PREP: variants seen among roughly 807,000 people sequenced by gnomAD.
PREP encodes dJ355L5.1 (prolyl endopeptidase).
In PREP, 29 loss-of-function variants were observed where a neutral mutation model predicts 87.6. The ratio of observed to expected loss-of-function variants is 0.33; its 90% confidence interval spans 0.25 to 0.45. PREP has a LOEUF of 0.45. PREP is among the 20% of genes least tolerant of loss of function. The pLI is 1.00. For missense variants in PREP, 695 were observed against 886.5 expected (o/e 0.78, Z 2.74); for synonymous variants, 337 against 328.6 (o/e 1.03, Z -0.28).
intron 1 of PREP, among the ~76,000 whole-genome samples, chr6:105,400,130 A>G (rs1773387050): frequency 6.6e-6 from 1 of 152,208 alleles, no homozygotes; most frequent in Admixed American, 6.5e-5. Flanking sequence ...TTCTAAGACC[A>G]TACCCTACAA....
intron 7 of PREP, among the ~76,000 whole-genome samples, chr6:105,348,966 A>G (rs1156251060): frequency 6.6e-6 from 1 of 152,044 alleles, no homozygotes; most frequent in Non-Finnish European, 1.5e-5. Context: ...AACTCCACAC[A>G]TTTCTCTGGT....
intron 7 of PREP, among the ~76,000 whole-genome samples, chr6:105,346,553 T>G (rs978899554): frequency 2.0e-5 from 3 of 152,218 alleles, no homozygotes; most frequent in Non-Finnish European, 4.4e-5. Context: ...ACAGACAGGT[T>G]AGTGAAAGTC....
intron 11 of PREP, among the ~76,000 whole-genome samples, chr6:105,286,524 G>A (rs1225284780): frequency 6.6e-6 from 1 of 152,120 alleles, no homozygotes; most frequent in Non-Finnish European, 1.5e-5. Flanking sequence ...TCTTTCCACT[G>A]TGACCCTAAA....
chr6:105,353,522 G>C (rs1230026172), intron 6 of PREP, among the ~76,000 whole-genome samples: 1 of 152,102 alleles, frequency 6.6e-6, no homozygotes, highest in African/African-American at 2.4e-5. Context: ...TGTAATCCCA[G>C]CACTTTGGGA....
chr6:105,400,218 A>G (rs1425660557), intron 1 of PREP, among the ~76,000 whole-genome samples: 1 of 152,086 alleles, frequency 6.6e-6, no homozygotes, highest in Admixed American at 6.5e-5. Flanking sequence ...ATCATTCTTG[A>G]TCTCCTCAAG....
At position 105,282,047 on chromosome 6, in the gene PREP, G is replaced by A. The variant is rs187829238; in HGVS notation, c.1682-145C>T. 58 of 977,282 alleles carry A rather than the reference G, an allele frequency of 5.9e-5. No individual in the cohort carries two copies. The East Asian group carries it at 1.3e-3, about 23-fold the overall frequency. The allele number at this position is 977,282 out of a possible 1,614,324, so 60.5% of individuals were successfully genotyped here. On this transcript the variant is annotated intron_variant, in intron 13 of 14. Transcript: ENST00000652536. ...AAGAGGAAACCATCAGAAATCACCT[G>A]CCCAATAGCCCCAAAGCTCCCCACC...
intron 1 of PREP, among the ~76,000 whole-genome samples, chr6:105,399,671 C>T (rs570058072): frequency 2.6e-4 from 39 of 152,272 alleles, no homozygotes; most frequent in African/African-American, 8.2e-4. Flanking sequence ...AAGTCTTTTA[C>T]GTTTTACACA....
chr6:105,278,579 C>G lies in PREP; in HGVS notation c.1839-141G>C. 1 of 865,816 alleles carries G rather than the reference C, an allele frequency of 1.2e-6. No homozygotes were observed. 53.6% of individuals were successfully genotyped at this position (865,816 alleles called of 1,614,324 possible). ...ACCATGGACTGTGCCTATGCGTTAC[C>G]ATTTAGGCCATGACTGGCAAGGGCT... On this transcript the variant is annotated intron_variant, in intron 14 of 14. Transcript: ENST00000652536. This position sits in a 1 kb window ranked among gnomAD's most constrained non-coding sequence, Gnocchi z 4.2.
rs902255982 is a variant in PREP at position 105,394,801 on chromosome 6, A to G, written c.120+3052T>C. Among the ~76,000 whole-genome samples the G allele has an allele frequency of 2.0e-4, 31 of 152,194 alleles. No individual in the cohort carries two copies. The South Asian group carries it at 5.2e-3, about 25-fold the overall frequency. ...TAACAAAAGAGTCAGTAACACTTGTATATGCCATCAATAATGAAAAAGGAA... is the reference window on the plus strand; with the variant it reads ...TAACAAAAGAGTCAGTAACACTTGTGTATGCCATCAATAATGAAAAAGGAA... On this transcript the variant is annotated intron_variant, in intron 2 of 14. Coordinates refer to ENST00000652536, the MANE Select transcript of PREP (RefSeq NM_002726.5).
At chr6:105,323,150 T>C (rs780546524) in intron 10 of PREP, 2 of 1,288,772 alleles carry the variant, frequency 1.6e-6, no homozygotes, top group East Asian at 5.6e-5. Flanking sequence ...CCTGAAAAGA[T>C]GGTGGCCAAA....
intron 1 of PREP, among the ~76,000 whole-genome samples, chr6:105,398,302 C>T (rs1301376197): frequency 6.6e-6 from 1 of 152,168 alleles, no homozygotes; most frequent in East Asian, 1.9e-4. Flanking sequence ...AAGAAGGGCA[C>T]GTCAGGGAGG....
rs765646726 is a variant in PREP at position 105,318,922 on chromosome 6, TTAA to T, written c.1317+4740_1317+4742del. The stretch of plus-strand genomic sequence containing the variant: ...ATGTGTCATGAACTTGGCGCAGAAG[TTAA>T]TGAGTATTGAAACACGAATTAATGT... On this transcript the variant is annotated intron_variant, in intron 10 of 14. Transcript: ENST00000652536. Among the ~76,000 whole-genome samples, 185 of 152,274 alleles carry T rather than the reference TTAA, an allele frequency of 1.2e-3. 1 individual carries two copies. The highest frequency in any genetic ancestry group is 2.1e-3 in the Non-Finnish European group (145 of 68,016).
At chr6:105,332,559 A>G (rs1771364122) in intron 8 of PREP, among the ~76,000 whole-genome samples, 1 of 152,142 alleles carries the variant, frequency 6.6e-6, no homozygotes, top group Non-Finnish European at 1.5e-5. Context: ...TTTATCCTCA[A>G]TCTACCCAGC....
intron 7 of PREP, among the ~76,000 whole-genome samples, chr6:105,340,053 T>G (rs898404692): frequency 5.3e-5 from 8 of 151,952 alleles, no homozygotes; most frequent in African/African-American, 1.5e-4. Flanking sequence ...GCCACAGAGA[T>G]ACTCCTCGAG....
At chr6:105,296,032 G>A (rs763587311) in intron 10 of PREP, among the ~76,000 whole-genome samples, 3 of 152,098 alleles carry the variant, frequency 2.0e-5, no homozygotes, top group East Asian at 1.9e-4. Context: ...CGAAGTATAC[G>A]TGCACCCAAA....
At position 105,328,910 on chromosome 6, in the gene PREP, C is replaced by T. The variant is rs147546055; in HGVS notation, c.1132G>A (p.Asp378Asn). 6.0e-5 allele frequency: 97 copies of T among 1,614,090 alleles called. No individual in the cohort carries two copies. The African/African-American group carries it at 8.9e-4, about 15-fold the overall frequency. ...TGALLKTFPLDVGSIVGYSGQ... is the reference protein window; with the variant it reads ...TGALLKTFPLNVGSIVGYSGQ... ...CTGTACCCTACAATGCTGCCGACAT[C>T]GAGCGGGAAGGTCTTAAGGAGAGCA... Residue 378 changes from aspartate to asparagine, a missense_variant, in exon 9 of 15, where the codon GAT becomes AAT. Asp to Asn is a conservative substitution (Grantham distance 23). Around this residue, in one of 5 missense-constraint regions of PREP, gnomAD observed 517 missense variants for 620.3 expected, o/e 0.83. Transcript: ENST00000652536.
At chr6:105,355,164 C>CA (rs1235288031) in intron 6 of PREP, among the ~76,000 whole-genome samples, 12 of 150,080 alleles carry the variant, frequency 8.0e-5, no homozygotes, top group Admixed American at 7.3e-4. Flanking sequence ...CTCCAACCTG[C>CA]AATCTCTGCC....
chr6:105,395,045 G>A (rs111900118), intron 2 of PREP, among the ~76,000 whole-genome samples: 1 of 152,114 alleles, frequency 6.6e-6, no homozygotes, highest in Admixed American at 6.5e-5. Context: ...TGATGAAATA[G>A]TATCACTATT....
rs1414854303 is a variant in PREP, at chr6:105,275,881, G to A, written c.*2263C>T. On this transcript the variant is annotated 3_prime_UTR_variant, in exon 15 of 15. Coordinates refer to ENST00000652536, the MANE Select transcript of PREP (RefSeq NM_002726.5). ...CTCCACTCATGTGGGAGCTAAAAAA[G>A]CAGGCAGAGAAAGGGAGGATGAAGA... 6.6e-6 allele frequency among the ~76,000 whole-genome samples: 1 copy of A among 152,202 alleles called. No homozygotes were observed. Among genetic ancestry groups the A allele is most frequent in the Non-Finnish European group, 1.5e-5 (1 of 68,040 alleles).
Sources: gnomAD v4.1 joint callset for allele counts (sites outside exome capture counted in the v4.1 genomes callset) on GRCh38, gnomAD v4.1.1 for gene constraint, gnomAD v4.1.1 regional missense constraint, Gnocchi (gnomAD v3.1) non-coding constraint, MANE v1.5 for transcripts, NCBI Gene and HGNC (gene_info 2026-07-23, HGNC 2026-07-21) for gene names.